DRC5: variants seen among roughly 807,000 people sequenced by gnomAD.
The protein encoded by DRC5 is T-complex-associated testis-expressed protein 1.
chr6:44,292,845 TAGAC>T, the DRC5 span, among the ~76,000 whole-genome samples: 3 of 152,112 alleles, frequency 2.0e-5, no homozygotes, highest in African/African-American at 7.2e-5. Flanking sequence ...AAACGATAGA[TAGAC>T]AGAGACAGCA....
At chr6:44,290,816 T>C in the DRC5 span, among the ~76,000 whole-genome samples, 1 of 152,114 alleles carries the variant, frequency 6.6e-6, no homozygotes, top group Non-Finnish European at 1.5e-5. Context: ...AGCTTCACCA[T>C]ACTGGCAGGC....
At chr6:44,279,259 T>C in the DRC5 span, 476 of 152,440 alleles carry the variant, frequency 3.1e-3, no homozygotes, top group Non-Finnish European at 4.5e-3. Flanking sequence ...GGGACTCATG[T>C]AGGGCACCTG....
At chr6:44,278,742 A>G in the DRC5 span, 7 of 152,172 alleles carry the variant, frequency 4.6e-5, no homozygotes, top group African/African-American at 1.4e-4. Flanking sequence ...TCTTTGGTCT[A>G]TTTTCTTGGT....
the DRC5 span, chr6:44,279,939 G>C: frequency 2.5e-6 from 1 of 393,604 alleles, no homozygotes; most frequent in African/African-American, 2.0e-5. Flanking sequence ...GGTCATTTGT[G>C]GGTGTCCAGT....
the DRC5 span, among the ~76,000 whole-genome samples, chr6:44,296,594 T>C: frequency 6.8e-6 from 1 of 147,362 alleles, no homozygotes; most frequent in African/African-American, 2.5e-5. Flanking sequence ...TCTCACCTTC[T>C]TGTGCATCAC....
chr6:44,282,078 C>T, the DRC5 span: 2 of 1,591,332 alleles, frequency 1.3e-6, no homozygotes, highest in Non-Finnish European at 1.7e-6. Flanking sequence ...GATTCCACAC[C>T]CACCCTCACA....
the DRC5 span, among the ~76,000 whole-genome samples, chr6:44,296,974 G>C: frequency 1.3e-5 from 2 of 152,286 alleles, no homozygotes; most frequent in African/African-American, 4.8e-5. Context: ...GAAACCGCCA[G>C]TTCACTTACC....
the DRC5 span, among the ~76,000 whole-genome samples, chr6:44,284,090 C>T: frequency 3.0e-4 from 46 of 152,300 alleles, no homozygotes; most frequent in African/African-American, 9.9e-4. Context: ...TTCCCCTTCG[C>T]AGCCAAGTTC....
chr6:44,289,540 G>T, the DRC5 span, among the ~76,000 whole-genome samples: 2 of 152,004 alleles, frequency 1.3e-5, no homozygotes, highest in East Asian at 3.9e-4. Context: ...AAGGAGAGGG[G>T]AACAAGACCC....
At chr6:44,289,222 A>C in the DRC5 span, among the ~76,000 whole-genome samples, 1 of 151,530 alleles carries the variant, frequency 6.6e-6, no homozygotes, top group Non-Finnish European at 1.5e-5. Context: ...TTTTTAGTAG[A>C]GACGGGGTTT....
chr6:44,287,570 G>A, the DRC5 span: 3 of 1,611,994 alleles, frequency 1.9e-6, no homozygotes, highest in Non-Finnish European at 1.7e-6. Context: ...CTGATAATGT[G>A]CTGAATGCAG....
the DRC5 span, among the ~76,000 whole-genome samples, chr6:44,290,356 G>A: frequency 1.4e-4 from 22 of 152,138 alleles, no homozygotes. Context: ...CTGAGATAAT[G>A]GTCGGTTAAT....
At chr6:44,295,004 A>G in the DRC5 span, among the ~76,000 whole-genome samples, 1 of 152,174 alleles carries the variant, frequency 6.6e-6, no homozygotes, top group African/African-American at 2.4e-5. Context: ...TGGATACCCA[A>G]TAGCTGGGGG....
chr6:44,282,370 C>A, the DRC5 span: 14 of 1,614,092 alleles, frequency 8.7e-6, no homozygotes, highest in Non-Finnish European at 1.2e-5. Flanking sequence ...GGTGCACGCA[C>A]CTGGTTGTTA....
chr6:44,293,551 G>C, the DRC5 span, among the ~76,000 whole-genome samples: 12 of 152,320 alleles, frequency 7.9e-5, no homozygotes, highest in African/African-American at 2.9e-4. Context: ...CAAGGAAACA[G>C]GAAATGACTG....
At chr6:44,287,613 C>T in the DRC5 span, 2 of 1,614,142 alleles carry the variant, frequency 1.2e-6, no homozygotes, top group Non-Finnish European at 1.7e-6. Context: ...TGGCCAGTGA[C>T]CACTCAGGAT....
the DRC5 span, chr6:44,287,885 C>G: frequency 6.4e-7 from 1 of 1,558,036 alleles, no homozygotes. Flanking sequence ...CAAGAAGCTT[C>G]TCAGACTGGC....
At chr6:44,285,885 A>G in the DRC5 span, 1 of 1,302,104 alleles carries the variant, frequency 7.7e-7, no homozygotes, top group East Asian at 2.3e-5. Context: ...GAAGGCAATA[A>G]TAGAGGAGGA....
chr6:44,291,431 T>G, the DRC5 span, among the ~76,000 whole-genome samples: 2 of 152,190 alleles, frequency 1.3e-5, no homozygotes, highest in Admixed American at 1.3e-4. Context: ...CAAAACTAAC[T>G]CCTTGCTGCC....
Sources: allele counts gnomAD v4.1 joint callset (sites outside exome capture counted in the v4.1 genomes callset), GRCh38; gene constraint gnomAD v4.1.1; transcripts MANE v1.5; gene names NCBI Gene and HGNC (gene_info 2026-07-23, HGNC 2026-07-21).